The following RHBDD1 variants were observed in gnomAD, a reference collection of about 807,000 sequenced individuals.
The protein encoded by RHBDD1 is rhomboid domain containing 1.
A neutral mutation model predicts 36.3 loss-of-function variants in RHBDD1; 38 were observed. That is an observed-to-expected ratio of 1.05 (90% confidence interval 0.81 to 1.37). The LOEUF (loss-of-function observed/expected upper bound fraction) is 1.37. Among genes scored for constraint, RHBDD1 ranks in the 40% most tolerant of loss-of-function variants. RHBDD1 has a pLI of 0.00. For missense variants in RHBDD1, 393 were observed against 377.6 expected, an observed-to-expected ratio of 1.04 and a Z score of -0.34; for synonymous variants, 151 against 136.5, an observed-to-expected ratio of 1.11 and a Z score of -0.74.
intron 8 of RHBDD1, among the ~76,000 whole-genome samples, chr2:226,989,686 G>A (rs1957748965): frequency 6.6e-6 from 1 of 152,186 alleles, no homozygotes; most frequent in South Asian, 2.1e-4. Flanking sequence ...ACCTGACATA[G>A]TGGACCTGAT....
chr2:226,872,875 C>T (rs1227421287), intron 5 of RHBDD1, among the ~76,000 whole-genome samples: 1 of 152,154 alleles, frequency 6.6e-6, no homozygotes, highest in Non-Finnish European at 1.5e-5. Flanking sequence ...AGTTAGTTTG[C>T]AGGATTCTCC....
At chr2:226,806,869 C>T in the RHBDD1 span, among the ~76,000 whole-genome samples, 1 of 152,214 alleles carries the variant, frequency 6.6e-6, no homozygotes, top group South Asian at 2.1e-4. Context: ...AAAAACAGAA[C>T]AGAACAATGA....
At chr2:226,919,854 G>A (rs1949184821) in intron 8 of RHBDD1, among the ~76,000 whole-genome samples, 1 of 151,944 alleles carries the variant, frequency 6.6e-6, no homozygotes, top group African/African-American at 2.4e-5. Context: ...TTCTATTTCT[G>A]TGAAGAATGT....
intron 3 of RHBDD1, among the ~76,000 whole-genome samples, chr2:226,850,901 A>T (rs1942747634): frequency 6.6e-6 from 1 of 152,216 alleles, no homozygotes; most frequent in African/African-American, 2.4e-5. Context: ...AAGCTGGGGT[A>T]GTTCCATACA....
chr2:226,801,643 C>A, the RHBDD1 span, among the ~76,000 whole-genome samples: 2 of 152,092 alleles, frequency 1.3e-5, no homozygotes, highest in Non-Finnish European at 2.9e-5. Context: ...GATGTGGGCA[C>A]ACGTGCCCAC....
chr2:226,978,577 C>T (rs1955009408), intron 8 of RHBDD1, among the ~76,000 whole-genome samples: 1 of 152,200 alleles, frequency 6.6e-6, no homozygotes, highest in Non-Finnish European at 1.5e-5. Flanking sequence ...TCCATTCCTG[C>T]ATTTGTTCAT....
intron 5 of RHBDD1, among the ~76,000 whole-genome samples, chr2:226,869,577 A>C (rs768989377): frequency 2.0e-5 from 3 of 152,216 alleles, no homozygotes; most frequent in Non-Finnish European, 4.4e-5. Context: ...CTGCCAAAGC[A>C]AACATTTGGT....
chr2:226,935,808 A>G (rs1950294482), intron 8 of RHBDD1, among the ~76,000 whole-genome samples: 1 of 152,136 alleles, frequency 6.6e-6, no homozygotes, highest in Non-Finnish European at 1.5e-5. Flanking sequence ...TCTGAAAGAT[A>G]AATTCAAACA....
Position 226,997,378 on chromosome 2 carries a change from G to T in RHBDD1, c.*1856G>T, listed in dbSNP as rs1959670085. ...CACTTTTATAGCATTTGGTAATTCT[G>T]CTATAACACATCTTGCCCCTATTAT... On this transcript the variant is annotated 3_prime_UTR_variant, in exon 9 of 9. Transcript: ENST00000392062. The T allele has an allele frequency of 6.6e-6, 1 of 152,138 alleles. No homozygotes were observed. The highest frequency in any genetic ancestry group is 2.1e-4 in the South Asian group (1 of 4,828). The allele number at this position is 152,138 out of a possible 1,614,324, so 9.4% of individuals were successfully genotyped here.
At chr2:226,829,508 T>C in the RHBDD1 span, among the ~76,000 whole-genome samples, 1 of 152,230 alleles carries the variant, frequency 6.6e-6, no homozygotes, top group African/African-American at 2.4e-5. Flanking sequence ...GAATGTGAAA[T>C]GTCAATTTAT....
At chr2:226,867,838 C>G (rs1944467721) in intron 5 of RHBDD1, 1 of 183,662 alleles carries the variant, frequency 5.4e-6, no homozygotes. Flanking sequence ...CCTGCCTCAG[C>G]CTCCCAAGTA....
the RHBDD1 span, among the ~76,000 whole-genome samples, chr2:226,816,389 A>AAG: frequency 1.8e-4 from 27 of 151,312 alleles, no homozygotes; most frequent in African/African-American, 6.3e-4. Context: ...AAAAAAAAAA[A>AAG]AAAAAAAGAA....
rs567832612 is a variant in RHBDD1, at chr2:226,851,868, C to T, written c.-91+12241C>T. Among the ~76,000 whole-genome samples, 26 of 152,270 alleles carry T rather than the reference C, an allele frequency of 1.7e-4. No individual in the cohort carries two copies. In the South Asian group the frequency reaches 5.4e-3, roughly 32 times the overall value. On this transcript the variant is annotated intron_variant, in intron 3 of 8. Transcript: ENST00000392062. ...TCATGTAGTTCCTTTGGATCTTTTA[C>T]CCTCAACAGCCAGTCGTCAGTGTAG...
At chr2:226,819,831 T>C in the RHBDD1 span, among the ~76,000 whole-genome samples, 2 of 152,308 alleles carry the variant, frequency 1.3e-5, no homozygotes, top group South Asian at 4.1e-4. Context: ...AAATATGACA[T>C]GGCATTGCAA....
At chr2:226,882,021 T>C (rs1428228823) in intron 5 of RHBDD1, among the ~76,000 whole-genome samples, 6 of 152,254 alleles carry the variant, frequency 3.9e-5, no homozygotes, top group Non-Finnish European at 7.3e-5. Flanking sequence ...TGTTAGGTTC[T>C]ATAAGTAATA....
chr2:226,925,036 G>A (rs1356247955), intron 8 of RHBDD1, among the ~76,000 whole-genome samples: 2 of 152,148 alleles, frequency 1.3e-5, no homozygotes, highest in Admixed American at 6.5e-5. Flanking sequence ...TGTTCCTCTG[G>A]GAAGGATGAT....
chr2:226,953,731 G>C (rs569379918), intron 8 of RHBDD1, among the ~76,000 whole-genome samples: 1 of 152,304 alleles, frequency 6.6e-6, no homozygotes, highest in Admixed American at 6.5e-5. Flanking sequence ...CATTCGCTTT[G>C]AGAAGCATCT....
At chr2:226,914,884 C>T (rs1948791307) in intron 8 of RHBDD1, among the ~76,000 whole-genome samples, 1 of 152,022 alleles carries the variant, frequency 6.6e-6, no homozygotes, top group African/African-American at 2.4e-5. Flanking sequence ...TGAAAAAACA[C>T]TGTATATATT....
intron 5 of RHBDD1, among the ~76,000 whole-genome samples, chr2:226,869,636 TAC>T (rs1301791177): frequency 6.6e-6 from 1 of 152,172 alleles, no homozygotes; most frequent in Non-Finnish European, 1.5e-5. Context: ...TTCCCCCAGT[TAC>T]AGAGTTTTAT....
Sources: allele counts gnomAD v4.1 joint callset (sites outside exome capture counted in the v4.1 genomes callset), GRCh38; gene constraint gnomAD v4.1.1; transcripts MANE v1.5; gene names NCBI Gene and HGNC (gene_info 2026-07-23, HGNC 2026-07-21).